Variants in SPMIP3 observed in about 807,000 individuals in gnomAD.
SPMIP3 encodes protein SPMIP3.
At chr1:244,388,817 C>T in the SPMIP3 span, 4 of 620,914 alleles carry the variant, frequency 6.4e-6, no homozygotes, top group Non-Finnish European at 8.4e-6. Flanking sequence ...CTTTTTCCCA[C>T]ATTTTAAATG....
the SPMIP3 span, among the ~76,000 whole-genome samples, chr1:244,359,140 C>A: frequency 3.4e-3 from 445 of 132,822 alleles, no homozygotes; most frequent in Admixed American, 3.7e-3. Flanking sequence ...TGATTAATGG[C>A]AAAAAAAAAA....
At chr1:244,380,522 T>C in the SPMIP3 span, among the ~76,000 whole-genome samples, 1 of 152,158 alleles carries the variant, frequency 6.6e-6, no homozygotes, top group Admixed American at 6.6e-5. Context: ...AAAGTCCTAC[T>C]ATTTTCCCAA....
chr1:244,364,206 A>G, the SPMIP3 span, among the ~76,000 whole-genome samples: 1 of 151,668 alleles, frequency 6.6e-6, no homozygotes, highest in African/African-American at 2.4e-5. Flanking sequence ...CCGGGTTCAC[A>G]CCATTCTCCT....
At chr1:244,372,556 G>A in the SPMIP3 span, among the ~76,000 whole-genome samples, 5 of 151,168 alleles carry the variant, frequency 3.3e-5, no homozygotes, top group East Asian at 7.8e-4. Flanking sequence ...CCATTCTCCT[G>A]CCCCAGCCTC....
chr1:244,361,148 A>C, the SPMIP3 span, among the ~76,000 whole-genome samples: 1 of 152,098 alleles, frequency 6.6e-6, no homozygotes, highest in Admixed American at 6.6e-5. Flanking sequence ...ACAAAAATAC[A>C]GTTAGAAGAA....
chr1:244,366,615 C>A, the SPMIP3 span, among the ~76,000 whole-genome samples: 1 of 152,218 alleles, frequency 6.6e-6, no homozygotes, highest in Non-Finnish European at 1.5e-5. Context: ...TGCAGTGGCT[C>A]GTGCCTGTAA....
the SPMIP3 span, among the ~76,000 whole-genome samples, chr1:244,357,805 C>A: frequency 6.6e-6 from 1 of 151,520 alleles, no homozygotes; most frequent in Non-Finnish European, 1.5e-5. Flanking sequence ...GGGCCAGGCA[C>A]AGAGGCTCAG....
the SPMIP3 span, chr1:244,375,244 AG>A: frequency 1.5e-6 from 1 of 649,590 alleles, no homozygotes; most frequent in East Asian, 2.9e-5. Context: ...CATGGGTTTT[AG>A]GGGCTCAGTG....
chr1:244,380,128 T>C, the SPMIP3 span, among the ~76,000 whole-genome samples: 8 of 63,096 alleles, frequency 1.3e-4, no homozygotes, highest in African/African-American at 2.6e-4. Flanking sequence ...TTTTTCTTTT[T>C]TTTTTTTTTT....
chr1:244,375,545 A>T, the SPMIP3 span: 2 of 1,082,756 alleles, frequency 1.8e-6, no homozygotes, highest in Non-Finnish European at 2.8e-6. Flanking sequence ...CGGGGGGAAG[A>T]TACACTACTC....
At chr1:244,382,048 CTGGGGTCCA>C in the SPMIP3 span, among the ~76,000 whole-genome samples, 1 of 152,220 alleles carries the variant, frequency 6.6e-6, no homozygotes, top group Non-Finnish European at 1.5e-5. Context: ...GCAAGAATCA[CTGGGGTCCA>C]TGCTGGAAGC....
At chr1:244,361,740 A>G in the SPMIP3 span, among the ~76,000 whole-genome samples, 1 of 152,240 alleles carries the variant, frequency 6.6e-6, no homozygotes, top group South Asian at 2.1e-4. Flanking sequence ...TTAAAAAAGC[A>G]TGGCAACCCA....
the SPMIP3 span, chr1:244,364,772 A>G: frequency 6.2e-7 from 1 of 1,613,828 alleles, no homozygotes; most frequent in Non-Finnish European, 8.5e-7. Flanking sequence ...GTTCTTCCAG[A>G]TGCACAGCCT....
chr1:244,375,535 C>A, the SPMIP3 span: 2 of 1,275,238 alleles, frequency 1.6e-6, no homozygotes, highest in Non-Finnish European at 2.3e-6. Context: ...AAGGGGTCGG[C>A]GGGGGGAAGA....
the SPMIP3 span, among the ~76,000 whole-genome samples, chr1:244,352,974 G>A: frequency 4.1e-3 from 628 of 152,192 alleles, 11 homozygotes; most frequent in African/African-American, 0.014. Flanking sequence ...TTAGAAACGG[G>A]TACACCTATA....
chr1:244,380,285 A>G, the SPMIP3 span, among the ~76,000 whole-genome samples: 1 of 151,774 alleles, frequency 6.6e-6, no homozygotes, highest in East Asian at 2.0e-4. Flanking sequence ...ATGCCCAGCT[A>G]ATTTTTGTAT....
the SPMIP3 span, among the ~76,000 whole-genome samples, chr1:244,353,896 A>G: frequency 2.0e-5 from 3 of 152,160 alleles, no homozygotes; most frequent in East Asian, 3.9e-4. Context: ...AGAGGCAGCT[A>G]GTACAGTCAC....
At chr1:244,362,557 G>T in the SPMIP3 span, among the ~76,000 whole-genome samples, 1 of 152,028 alleles carries the variant, frequency 6.6e-6, no homozygotes, top group South Asian at 2.1e-4. Context: ...TGTTTTCAAG[G>T]ACACAGAACA....
the SPMIP3 span, chr1:244,375,337 T>G: frequency 1.3e-6 from 2 of 1,516,416 alleles, no homozygotes; most frequent in South Asian, 2.3e-5. Flanking sequence ...ATTGTAAGAA[T>G]GGCTTTCTTC....
Sources: gnomAD v4.1 joint callset for allele counts (sites outside exome capture counted in the v4.1 genomes callset) on GRCh38, gnomAD v4.1.1 for gene constraint, MANE v1.5 for transcripts, NCBI Gene and HGNC (gene_info 2026-07-23, HGNC 2026-07-21) for gene names.